The following SUCLG2 variants were observed in gnomAD, a reference collection of about 807,000 sequenced individuals.
The protein encoded by SUCLG2 is succinate-CoA ligase GDP-forming subunit beta.
In SUCLG2, 42 loss-of-function variants were observed where a neutral mutation model predicts 47.9. The observed-to-expected ratio is 0.88, with a 90% CI of 0.69 to 1.14. SUCLG2 has a LOEUF of 1.14. Among genes scored for constraint, SUCLG2 ranks in the 50% most tolerant of loss-of-function variants. SUCLG2 has a pLI of 0.00. For synonymous variants in SUCLG2, 195 were observed against 197.3 expected, an observed-to-expected ratio of 0.99 and a Z score of 0.10; for missense variants, 571 against 525.9, an observed-to-expected ratio of 1.09 and a Z score of -0.84.
rs745387884 is a variant in SUCLG2 at position 67,530,072 on chromosome 3, CTGTT to C, written c.227-890_227-887del. Among the ~76,000 whole-genome samples the C allele has an allele frequency of 4.1e-4, 62 of 152,194 alleles. 1 individual carries two copies. Among genetic ancestry groups the C allele is most frequent in the Non-Finnish European group, 7.1e-4 (48 of 68,028 alleles). On this transcript the variant is annotated intron_variant, in intron 2 of 10. Coordinates refer to ENST00000307227, the MANE Select transcript of SUCLG2 (RefSeq NM_003848.4). ...AACTGCAGACCACAGCTGATATCCT[CTGTT>C]TGTGAGTCATCTTTATTTAAAATCA...
chr3:67,499,448 A>G (rs1287497624), intron 7 of SUCLG2, among the ~76,000 whole-genome samples: 4 of 152,202 alleles, frequency 2.6e-5, no homozygotes, highest in African/African-American at 9.6e-5. Flanking sequence ...GGTCAGTCAC[A>G]AAGCCAGGAT....
At chr3:67,634,552 A>G (rs1410356611) in intron 1 of SUCLG2, among the ~76,000 whole-genome samples, 1 of 152,196 alleles carries the variant, frequency 6.6e-6, no homozygotes, top group Admixed American at 6.5e-5. Flanking sequence ...TTTGCTCCTC[A>G]ATATGAATGA....
Position 67,633,183 on chromosome 3 carries a change from T to C in SUCLG2, c.84+21320A>G, listed in dbSNP as rs928485087. Among the ~76,000 whole-genome samples the C allele has an allele frequency of 2.0e-5, 3 of 152,202 alleles. No individual in the cohort carries two copies. The South Asian group carries it at 6.2e-4, about 32-fold the overall frequency. ...AACAAATTAATAACGAAAAGTAAAA[T>C]GTTTTTAAGGTTATTCAAAAGGACA... is the stretch of plus-strand genomic sequence containing the variant. On this transcript the variant is annotated intron_variant, in intron 1 of 10. Transcript: ENST00000307227.
intron 2 of SUCLG2, among the ~76,000 whole-genome samples, chr3:67,565,848 G>A (rs369657815): frequency 6.6e-5 from 10 of 152,172 alleles, no homozygotes; most frequent in East Asian, 3.8e-4. Flanking sequence ...AACACTACAC[G>A]GCAGCTGTCA....
intron 6 of SUCLG2, among the ~76,000 whole-genome samples, chr3:67,512,234 G>A (rs1229366762): frequency 1.3e-5 from 2 of 151,056 alleles, no homozygotes; most frequent in Admixed American, 6.6e-5. Flanking sequence ...GTCCCATTCT[G>A]AGAGTATTTT....
In SUCLG2 at chr3:67,464,371, G is replaced by C. The variant is rs541608891; in HGVS notation, c.1062+31427C>G. 7.9e-5 allele frequency among the ~76,000 whole-genome samples: 12 copies of C among 152,280 alleles called. No individual in the cohort carries two copies. The South Asian group carries it at 2.5e-3, about 32-fold the overall frequency. ...AAGCGTGTGTATGCATCCTTCCTGG[G>C]AATAGCGCTTTTTGATCTGGCATTT... On this transcript the variant is annotated intron_variant, in intron 9 of 10. Transcript: ENST00000307227.
rs368698036 is a variant in SUCLG2 at position 67,529,144 on chromosome 3, C to T, written c.269G>A (p.Gly90Glu). 1 of 1,613,566 alleles carries T rather than the reference C, an allele frequency of 6.2e-7. No homozygotes were observed. The highest frequency in any genetic ancestry group is 1.3e-5 in the African/African-American group (1 of 74,890). Reference protein sequence around the residue: ...IVLKAQILAGGRGKGVFNSGL... With the variant: ...IVLKAQILAGERGKGVFNSGL... ...ACTATTGAAGACACCTTTTCCTCTTCCTCCAGCTAAGATCTGGGCTTTTAA... is the reference window on the plus strand; with the variant it reads ...ACTATTGAAGACACCTTTTCCTCTTTCTCCAGCTAAGATCTGGGCTTTTAA... The change falls in exon 3 of 11, where the codon GGA becomes GAA. Residue 90 changes from glycine (G) to glutamate (E), a missense_variant. Transcript: ENST00000307227.
At chr3:67,481,279 T>C (rs941787661) in intron 9 of SUCLG2, among the ~76,000 whole-genome samples, 1 of 152,238 alleles carries the variant, frequency 6.6e-6, no homozygotes, top group African/African-American at 2.4e-5. Context: ...AAACAGGCAC[T>C]GGTACATAAA....
At chr3:67,362,557 A>T (rs544317817) in intron 10 of SUCLG2, among the ~76,000 whole-genome samples, 1 of 152,236 alleles carries the variant, frequency 6.6e-6, no homozygotes, top group African/African-American at 2.4e-5. Context: ...TCCTCCATGA[A>T]ATTGCAAAGT....
chr3:67,562,906 T>A (rs1212448988), intron 2 of SUCLG2, among the ~76,000 whole-genome samples: 1 of 152,008 alleles, frequency 6.6e-6, no homozygotes, highest in African/African-American at 2.4e-5. Context: ...TATGTACACA[T>A]ATAAAAAATT....
intron 2 of SUCLG2, among the ~76,000 whole-genome samples, chr3:67,595,750 A>C (rs967210460): frequency 2.6e-5 from 4 of 152,348 alleles, no homozygotes; most frequent in Middle Eastern, 3.4e-3. Flanking sequence ...GAGATAAAGC[A>C]GGATAAACAC....
At chr3:67,653,790 G>C (rs941296051) in intron 1 of SUCLG2, among the ~76,000 whole-genome samples, 3 of 152,184 alleles carry the variant, frequency 2.0e-5, no homozygotes, top group Non-Finnish European at 2.9e-5. Context: ...TCTGCAGAAG[G>C]TAAAAATCTG....
intron 1 of SUCLG2, among the ~76,000 whole-genome samples, chr3:67,650,137 A>G (rs1701260200): frequency 6.6e-6 from 1 of 152,218 alleles, no homozygotes; most frequent in African/African-American, 2.4e-5. Context: ...GCTGTACTTC[A>G]TTTTAAAAAA....
At chr3:67,376,539 A>C in intron 10 of SUCLG2, 1 of 960,628 alleles carries the variant, frequency 1.0e-6, no homozygotes, top group Non-Finnish European at 1.2e-6. Context: ...TTAAGTGTCT[A>C]ATGAAATATC....
intron 9 of SUCLG2, among the ~76,000 whole-genome samples, chr3:67,478,314 T>C (rs978828115): frequency 5.3e-5 from 8 of 152,178 alleles, no homozygotes; most frequent in Non-Finnish European, 1.0e-4. Flanking sequence ...ATGGATTAAC[T>C]GCATCGTACA....
chr3:67,429,012 G>A (rs760819479), intron 9 of SUCLG2, among the ~76,000 whole-genome samples: 2 of 152,174 alleles, frequency 1.3e-5, no homozygotes, highest in African/African-American at 4.8e-5. Flanking sequence ...ATGGAACCAA[G>A]TTGGAAAACA....
chr3:67,373,173 C>G (rs1457449331), downstream of SUCLG2, among the ~76,000 whole-genome samples: 1 of 151,928 alleles, frequency 6.6e-6, no homozygotes, highest in African/African-American at 2.4e-5. Context: ...ATCAAACATT[C>G]AAATATTTAC....
chr3:67,614,062 G>C (rs924794196), intron 1 of SUCLG2, among the ~76,000 whole-genome samples: 13 of 152,106 alleles, frequency 8.5e-5, no homozygotes, highest in African/African-American at 3.1e-4. Flanking sequence ...TCAACTCCTA[G>C]GAAGAGCTAC....
rs58050190 is a variant in SUCLG2 at position 67,524,099 on chromosome 3, C to T, written c.418-3465G>A. Reference sequence around the variant, plus strand: ...ACAACAAAGACCAGTTTGTTGACATCGTCATGCCTTCCAAATGACCGAGGA... The same window carrying T: ...ACAACAAAGACCAGTTTGTTGACATTGTCATGCCTTCCAAATGACCGAGGA... On this transcript the variant is annotated intron_variant, in intron 4 of 10. Transcript: ENST00000307227. Among the ~76,000 whole-genome samples the T allele has an allele frequency of 7.1e-3, 1,074 of 152,242 alleles. 5 individuals carry two copies. The highest frequency in any genetic ancestry group is 0.025 in the African/African-American group (1,023 of 41,544).
Sources: gnomAD v4.1 joint callset for allele counts (sites outside exome capture counted in the v4.1 genomes callset) on GRCh38, gnomAD v4.1.1 for gene constraint, MANE v1.5 for transcripts, NCBI Gene and HGNC (gene_info 2026-07-23, HGNC 2026-07-21) for gene names.